Variants in NAV2 observed in about 807,000 individuals in gnomAD.
NAV2 encodes helicase, APC down-regulated 1.
A neutral mutation model predicts 223.2 loss-of-function variants in NAV2; 54 were observed. The ratio of observed to expected loss-of-function variants is 0.24; its 90% confidence interval spans 0.19 to 0.30. NAV2 has a LOEUF of 0.30. NAV2 is among the 10% of genes least tolerant of loss of function. The pLI is 1.00. For synonymous variants in NAV2, 1,279 were observed against 1,239.3 expected (o/e 1.03, Z -0.67); for missense variants, 2,806 against 3,147.5 (o/e 0.89, Z 2.60).
In NAV2 at chr11:19,643,961, G is replaced by A. The variant is rs1482280226; in HGVS notation, c.76-188523G>A. Among the ~76,000 whole-genome samples, 7 of 152,310 alleles carry A rather than the reference G, an allele frequency of 4.6e-5. No individual in the cohort carries two copies. The East Asian group carries it at 1.4e-3, about 29-fold the overall frequency. Reference sequence around the variant, plus strand: ...TTATATTTGAGCACGTACATACCAGGAACCTGGCATTTAATCATCTCCATG... The same window carrying A: ...TTATATTTGAGCACGTACATACCAGAAACCTGGCATTTAATCATCTCCATG... On this transcript the variant is annotated intron_variant, in intron 1 of 37. Coordinates refer to the NAV2 transcript ENST00000360655.
intron 6 of NAV2, among the ~76,000 whole-genome samples, chr11:19,926,813 G>C (rs2044793318): frequency 6.6e-6 from 1 of 152,144 alleles, no homozygotes; most frequent in South Asian, 2.1e-4. Flanking sequence ...CCCCAGGGCA[G>C]ATTTAAAAAT....
rs117513148 is a variant in NAV2 at position 19,938,660 on chromosome 11, A to G, written c.2034-1001A>G. 3.2e-3 allele frequency among the ~76,000 whole-genome samples: 495 copies of G among 152,312 alleles called. 16 individuals carry two copies. The South Asian group carries it at 0.069, about 21-fold the overall frequency. ...CTCTAGGTGTGAGGTACCTGTTTCA[A>G]AGTACTCATAAGGCCTCAGCAGAGA... On this transcript the variant is annotated intron_variant, in intron 7 of 37. Coordinates refer to ENST00000349880, the MANE Select transcript of NAV2 (RefSeq NM_145117.5).
intron 10 of NAV2, among the ~76,000 whole-genome samples, chr11:19,950,496 C>G (rs957235626): frequency 6.6e-6 from 1 of 152,232 alleles, no homozygotes; most frequent in Admixed American, 6.5e-5. Context: ...TATTGAAATA[C>G]TACAACTACT....
chr11:19,841,184 A>C (rs2060492026), intron 2 of NAV2, among the ~76,000 whole-genome samples: 1 of 152,180 alleles, frequency 6.6e-6, no homozygotes, highest in Non-Finnish European at 1.5e-5. Context: ...TACTTCTGGC[A>C]GGTTCTAAAA....
At chr11:20,079,883 G>C (rs5001559) in intron 24 of NAV2, among the ~76,000 whole-genome samples, 181 bp from the exon 25 acceptor site, 133,881 of 152,052 alleles carry the variant, frequency 0.88, 59,052 homozygotes, top group East Asian at 0.95. Context: ...ATTGACCAAA[G>C]AGGGCAATGC....
intron 1 of NAV2, among the ~76,000 whole-genome samples, chr11:19,558,354 C>T (rs1245154740): frequency 1.3e-5 from 2 of 152,236 alleles, no homozygotes; most frequent in African/African-American, 4.8e-5. Flanking sequence ...TCCTCAAATG[C>T]ATGGCACCTC....
intron 1 of NAV2, among the ~76,000 whole-genome samples, chr11:19,745,470 C>G (rs1395353357): frequency 1.3e-5 from 2 of 152,108 alleles, no homozygotes; most frequent in Non-Finnish European, 2.9e-5. Flanking sequence ...CCCAGAGTAG[C>G]CCTCCACACA....
At chr11:20,061,093 C>G (rs546328617) in intron 19 of NAV2, among the ~76,000 whole-genome samples, 16 of 152,296 alleles carry the variant, frequency 1.1e-4, no homozygotes, top group Middle Eastern at 3.4e-3. Context: ...AGCCATTCCA[C>G]CCATGGCCAG....
intron 31 of NAV2, among the ~76,000 whole-genome samples, chr11:20,098,572 G>A (rs570001433): frequency 6.6e-6 from 1 of 152,194 alleles, no homozygotes; most frequent in Non-Finnish European, 1.5e-5. Flanking sequence ...CAGTTTTGCA[G>A]TTGTTTGATG....
intron 1 of NAV2, among the ~76,000 whole-genome samples, chr11:19,406,005 G>A (rs1015565644): frequency 6.6e-6 from 1 of 152,174 alleles, no homozygotes; most frequent in African/African-American, 2.4e-5. Context: ...TTGGTCGGTG[G>A]GGAAGGGAGG....
intron 1 of NAV2, among the ~76,000 whole-genome samples, chr11:19,726,742 T>A (rs2051288701): frequency 6.6e-6 from 1 of 152,268 alleles, no homozygotes; most frequent in Admixed American, 6.5e-5. Context: ...CCTGGAAGCT[T>A]GTTAGAAATG....
At chr11:19,888,790 C>G (rs1435665981) in intron 5 of NAV2, among the ~76,000 whole-genome samples, 8 of 152,126 alleles carry the variant, frequency 5.3e-5, no homozygotes, top group Non-Finnish European at 1.5e-5. Flanking sequence ...TGCTCTGCCC[C>G]CTGCTTTCCC....
At chr11:19,709,700 T>G (rs976055926), upstream of NAV2, among the ~76,000 whole-genome samples, 1 of 151,990 alleles carries the variant, frequency 6.6e-6, no homozygotes, top group Admixed American at 6.6e-5. Flanking sequence ...CCGGGTGTGG[T>G]GGCATGCGCC....
At chr11:19,651,100 A>G (rs1657581488) in intron 1 of NAV2, among the ~76,000 whole-genome samples, 1 of 152,156 alleles carries the variant, frequency 6.6e-6, no homozygotes, top group Non-Finnish European at 1.5e-5. Flanking sequence ...CCAAGCCAGA[A>G]CCTGAATCCC....
rs1455432534 is a variant in NAV2, at chr11:19,408,296, G to GGAAAA, written c.75+57273_75+57274insAGAAA. ...TATATTCCATGTTGCAAGCAGGCAG[G>GGAAAA]GAAAGGGCAGGAAAGGGGAGGCTGG... On this transcript the variant is annotated intron_variant, in intron 1 of 37. Coordinates refer to the NAV2 transcript ENST00000360655. Among the ~76,000 whole-genome samples the GGAAAA allele has an allele frequency of 2.0e-5, 3 of 152,166 alleles. No individual in the cohort carries two copies. The East Asian group carries it at 5.8e-4, about 29-fold the overall frequency.
At chr11:19,839,285 G>A (rs978582351) in intron 2 of NAV2, among the ~76,000 whole-genome samples, 1 of 152,158 alleles carries the variant, frequency 6.6e-6, no homozygotes, top group Admixed American at 6.5e-5. Context: ...TTACGTTGCT[G>A]TCACACAGGG....
At chr11:19,693,274 C>T (rs1466823204) in intron 1 of NAV2, among the ~76,000 whole-genome samples, 1 of 152,182 alleles carries the variant, frequency 6.6e-6, no homozygotes, top group Non-Finnish European at 1.5e-5. Context: ...GTGAGATAGC[C>T]GATGGCTTGT....
intron 1 of NAV2, among the ~76,000 whole-genome samples, chr11:19,435,917 T>C (rs1851198349): frequency 6.6e-6 from 1 of 152,196 alleles, no homozygotes; most frequent in Non-Finnish European, 1.5e-5. Context: ...AATACGGTTA[T>C]TTGTGTTCTT....
chr11:19,356,660 T>C (rs1590041920), intron 1 of NAV2, among the ~76,000 whole-genome samples: 1 of 152,114 alleles, frequency 6.6e-6, no homozygotes, highest in South Asian at 2.1e-4. Flanking sequence ...AGGGGAACCA[T>C]GTGGCCTTTT....
Sources: allele counts gnomAD v4.1 joint callset (sites outside exome capture counted in the v4.1 genomes callset), GRCh38; gene constraint gnomAD v4.1.1; transcripts MANE v1.5; gene names NCBI Gene and HGNC (gene_info 2026-07-23, HGNC 2026-07-21).